The following SNX29 variants were observed in gnomAD, a reference collection of about 807,000 sequenced individuals.
SNX29 encodes the protein sorting nexin 29.
SNX29 carries 78 observed loss-of-function variants against 102.1 expected under a neutral mutation model. The ratio of observed to expected loss-of-function variants is 0.76; its 90% confidence interval spans 0.64 to 0.92. The LOEUF (loss-of-function observed/expected upper bound fraction) is 0.92. Among genes scored for constraint, SNX29 ranks in the 40% least tolerant of loss-of-function variants. SNX29 has a pLI of 0.00. For missense variants in SNX29, 1,280 were observed against 1,061.7 expected (o/e 1.21, Z -2.86); for synonymous variants, 580 against 414.5 (o/e 1.40, Z -4.85).
At chr16:12,229,599 GTT>G (rs113574666) in intron 14 of SNX29, among the ~76,000 whole-genome samples, 1 of 144,924 alleles carries the variant, frequency 6.9e-6, no homozygotes, top group Non-Finnish European at 1.5e-5. Context: ...GAATGGTGGG[GTT>G]TTTTTTTTTT....
At chr16:12,207,166 C>T (rs1270451420) in intron 14 of SNX29, among the ~76,000 whole-genome samples, 1 of 151,994 alleles carries the variant, frequency 6.6e-6, no homozygotes, top group East Asian at 1.9e-4. Flanking sequence ...GTCAGGAGTT[C>T]AAAACCAGCC....
intron 1 of SNX29, among the ~76,000 whole-genome samples, chr16:11,998,885 CTTATA>C (rs542754728): frequency 2.7e-4 from 41 of 152,294 alleles, no homozygotes; most frequent in Middle Eastern, 3.4e-3. Flanking sequence ...TACTGGGAAA[CTTATA>C]TTTTATTTTA....
chr16:12,406,993 C>T (rs1324179895), intron 18 of SNX29, among the ~76,000 whole-genome samples: 2 of 152,214 alleles, frequency 1.3e-5, no homozygotes, highest in Non-Finnish European at 2.9e-5. Context: ...GCTGATGGCT[C>T]CTGTTCTGGA....
At chr16:12,527,929 A>T (rs2076830905) in intron 20 of SNX29, among the ~76,000 whole-genome samples, 1 of 146,434 alleles carries the variant, frequency 6.8e-6, no homozygotes, top group Non-Finnish European at 1.5e-5. Flanking sequence ...GGTTCACGCC[A>T]TTCTCCTGCT....
intron 19 of SNX29, among the ~76,000 whole-genome samples, chr16:12,491,772 A>C (rs1373404734): frequency 6.6e-5 from 10 of 151,962 alleles, no homozygotes; most frequent in Non-Finnish European, 1.5e-4. Context: ...AAGTGAGAAC[A>C]TGCGGTGTTT....
chr16:12,346,613 C>T (rs773123493), intron 15 of SNX29, among the ~76,000 whole-genome samples: 2 of 152,190 alleles, frequency 1.3e-5, no homozygotes, highest in African/African-American at 2.4e-5. Context: ...GCTTAAAGAC[C>T]CTCACAGCTG....
chr16:12,405,783 C>T (rs539302932), intron 18 of SNX29, among the ~76,000 whole-genome samples: 2 of 152,306 alleles, frequency 1.3e-5, no homozygotes, highest in East Asian at 3.9e-4. Context: ...CCTGTAATCC[C>T]AGCACTTTGG....
At chr16:12,208,014 T>A (rs1242213210) in intron 14 of SNX29, among the ~76,000 whole-genome samples, 2 of 152,208 alleles carry the variant, frequency 1.3e-5, no homozygotes, top group Non-Finnish European at 2.9e-5. Context: ...CTTTCAGGAA[T>A]GATTTCAGAG....
intron 4 of SNX29, among the ~76,000 whole-genome samples, chr16:12,031,068 A>G (rs1380163334): frequency 1.3e-5 from 2 of 149,600 alleles, no homozygotes; most frequent in Non-Finnish European, 3.0e-5. Context: ...TAGATGATTC[A>G]GTTCTGTATT....
chr16:12,508,283 G>A (rs2089464121), intron 19 of SNX29, among the ~76,000 whole-genome samples: 1 of 152,222 alleles, frequency 6.6e-6, no homozygotes, highest in Non-Finnish European at 1.5e-5. Flanking sequence ...TGGGCCCCAT[G>A]CTTCCCAGCG....
intron 13 of SNX29, among the ~76,000 whole-genome samples, chr16:12,190,032 T>G (rs1299815372): frequency 6.6e-6 from 1 of 152,224 alleles, no homozygotes; most frequent in Admixed American, 6.5e-5. Flanking sequence ...TATTCAGTTA[T>G]TGATCCATCC....
chr16:12,566,006 C>T (rs745674895), intron 20 of SNX29, among the ~76,000 whole-genome samples: 33 of 152,292 alleles, frequency 2.2e-4, no homozygotes, highest in Middle Eastern at 3.4e-3. Flanking sequence ...CCCTTCATGC[C>T]CAGCCCAGCA....
intron 13 of SNX29, among the ~76,000 whole-genome samples, chr16:12,171,390 A>C (rs906156111): frequency 3.3e-5 from 5 of 152,162 alleles, no homozygotes; most frequent in African/African-American, 1.2e-4. Context: ...ATCCTGAGTC[A>C]GATAGCAGCA....
At chr16:12,524,968 C>A (rs535180903) in intron 20 of SNX29, 127 bp downstream of exon 20, 33 of 1,338,196 alleles carry the variant, frequency 2.5e-5, no homozygotes, top group Admixed American at 9.2e-5. Context: ...CAGGCGAACT[C>A]CAGGGGCTGT....
chr16:12,413,723 T>C (rs2084503384), intron 18 of SNX29, among the ~76,000 whole-genome samples: 1 of 152,216 alleles, frequency 6.6e-6, no homozygotes, highest in South Asian at 2.1e-4. Flanking sequence ...ACGCAGGCGC[T>C]GGACGATCCT....
intron 11 of SNX29, among the ~76,000 whole-genome samples, chr16:12,122,457 A>G (rs915979335): frequency 6.6e-6 from 1 of 152,072 alleles, no homozygotes; most frequent in Admixed American, 6.6e-5. Flanking sequence ...TATAGCCAGC[A>G]AGCCCCAGAT....
At chr16:12,064,819 G>A (rs928049354) in intron 9 of SNX29, among the ~76,000 whole-genome samples, 8 of 152,234 alleles carry the variant, frequency 5.3e-5, no homozygotes, top group Non-Finnish European at 7.3e-5. Flanking sequence ...CTTTTGCTCT[G>A]TTTCTGCCTT....
intron 14 of SNX29, among the ~76,000 whole-genome samples, chr16:12,234,441 C>A (rs1304050889): frequency 6.6e-6 from 1 of 151,580 alleles, no homozygotes; most frequent in Non-Finnish European, 1.5e-5. Flanking sequence ...TGTATGAGTT[C>A]TTTGTGTATT....
chr16:12,320,543 G>A (rs929784181), intron 15 of SNX29, among the ~76,000 whole-genome samples: 9 of 152,196 alleles, frequency 5.9e-5, no homozygotes, highest in Non-Finnish European at 8.8e-5. Context: ...GACCTCACTG[G>A]AGAATACTTA....
Sources: gnomAD v4.1 joint callset for allele counts (sites outside exome capture counted in the v4.1 genomes callset) on GRCh38, gnomAD v4.1.1 for gene constraint, MANE v1.5 for transcripts, NCBI Gene and HGNC (gene_info 2026-07-23, HGNC 2026-07-21) for gene names.